Variants in CDH13 observed in about 807,000 individuals in gnomAD.
The protein encoded by CDH13 is cadherin 13.
CDH13 carries 24 observed loss-of-function variants against 63.8 expected under a neutral mutation model. The observed-to-expected ratio is 0.38, with a 90% CI of 0.27 to 0.53. The LOEUF is 0.53. Ranked by LOEUF, CDH13 falls within the 20% of genes least tolerant of loss-of-function variation. The pLI, the probability that CDH13 is intolerant of heterozygous loss-of-function variation, is 0.85. For missense variants in CDH13, 1,049 were observed against 903.1 expected (o/e 1.16, Z -2.07); for synonymous variants, 503 against 355.3 (o/e 1.42, Z -4.67).
At chr16:82,771,495 G>A (rs1489431510) in intron 1 of CDH13, among the ~76,000 whole-genome samples, 1 of 152,162 alleles carries the variant, frequency 6.6e-6, no homozygotes, top group Non-Finnish European at 1.5e-5. Flanking sequence ...ATTACAGCTC[G>A]CTTCACCACA....
chr16:83,134,142 A>T (rs1426262640), intron 4 of CDH13, among the ~76,000 whole-genome samples: 1 of 152,200 alleles, frequency 6.6e-6, no homozygotes, highest in Non-Finnish European at 1.5e-5. Context: ...GCCACCAGAT[A>T]AATTGCTTGG....
rs368850159 is a variant in CDH13 at position 83,334,729 on chromosome 16, T to A, written c.637-10133T>A. 3.9e-5 allele frequency among the ~76,000 whole-genome samples: 6 copies of A among 152,160 alleles called. No homozygotes were observed. The South Asian group carries it at 1.2e-3, about 32-fold the overall frequency. ...GCAACCTTAATTCCATTGGCAACCT[T>A]AATTTGGGAGGTGGAGAGAGTATGA... On this transcript the variant is annotated intron_variant, in intron 5 of 13. Transcript: ENST00000567109.
intron 7 of CDH13, among the ~76,000 whole-genome samples, chr16:83,529,071 CT>C (rs1242272152): frequency 6.7e-6 from 1 of 150,106 alleles, no homozygotes; most frequent in Non-Finnish European, 1.5e-5. Flanking sequence ...CCCAAACCCC[CT>C]CCCCATGAAT....
chr16:83,169,612 C>G (rs537999285), intron 4 of CDH13, among the ~76,000 whole-genome samples: 2 of 151,712 alleles, frequency 1.3e-5, no homozygotes, highest in South Asian at 2.1e-4. Flanking sequence ...TTCAAGCCCT[C>G]TTTCCTTTTC....
chr16:83,220,792 T>A (rs908104751), intron 5 of CDH13, among the ~76,000 whole-genome samples: 4 of 152,178 alleles, frequency 2.6e-5, no homozygotes, highest in Non-Finnish European at 4.4e-5. Context: ...ATTAACGTTT[T>A]CCAAATCCAA....
At chr16:82,682,427 C>T (rs1021905593) in intron 1 of CDH13, among the ~76,000 whole-genome samples, 1 of 152,212 alleles carries the variant, frequency 6.6e-6, no homozygotes, top group African/African-American at 2.4e-5. Context: ...TGGAGGCAGG[C>T]ACTGGCATCT....
intron 7 of CDH13, among the ~76,000 whole-genome samples, chr16:83,597,002 C>T (rs1013525958): frequency 6.6e-6 from 1 of 152,166 alleles, no homozygotes; most frequent in Admixed American, 6.5e-5. Flanking sequence ...GTGGGAGGAT[C>T]ACTTGAGCCC....
chr16:83,789,035 A>G (rs938694433), intron 13 of CDH13, among the ~76,000 whole-genome samples: 1 of 152,262 alleles, frequency 6.6e-6, no homozygotes, highest in African/African-American at 2.4e-5. Context: ...TAAATGTTAG[A>G]GATGCCTGCC....
At chr16:82,799,708 A>G (rs1053272958) in intron 1 of CDH13, among the ~76,000 whole-genome samples, 1 of 152,252 alleles carries the variant, frequency 6.6e-6, no homozygotes, top group African/African-American at 2.4e-5. Flanking sequence ...TATAATTAAC[A>G]GAGACATTTA....
At chr16:83,044,654 C>A (rs548469955) in intron 3 of CDH13, among the ~76,000 whole-genome samples, 1 of 152,286 alleles carries the variant, frequency 6.6e-6, no homozygotes, top group African/African-American at 2.4e-5. Flanking sequence ...ATATGCATTA[C>A]CCGATTTAAG....
At chr16:83,217,280 G>T in intron 4 of CDH13, 65 bp from the exon 5 acceptor site, 1 of 1,543,726 alleles carries the variant, frequency 6.5e-7, no homozygotes, top group Non-Finnish European at 8.9e-7. Context: ...ATGGGAGTAT[G>T]TTTGCAATGT....
chr16:82,875,436 C>T (rs925657182), intron 2 of CDH13, among the ~76,000 whole-genome samples: 2 of 152,130 alleles, frequency 1.3e-5, no homozygotes, highest in African/African-American at 4.8e-5. Flanking sequence ...CAGGTTCATC[C>T]AAAGACCTGA....
intron 6 of CDH13, among the ~76,000 whole-genome samples, chr16:83,474,948 G>A (rs1743617666): frequency 6.6e-6 from 1 of 152,252 alleles, no homozygotes; most frequent in African/African-American, 2.4e-5. Flanking sequence ...AGGAAGGCAT[G>A]TGCATTGTTG....
intron 6 of CDH13, among the ~76,000 whole-genome samples, chr16:83,442,067 G>A (rs544964700): frequency 4.7e-4 from 71 of 152,240 alleles, no homozygotes; most frequent in Admixed American, 1.9e-3. Context: ...AGCCATGCCT[G>A]TACTTGCAGT....
At chr16:83,714,651 C>A (rs1326425994) in intron 10 of CDH13, among the ~76,000 whole-genome samples, 2 of 152,164 alleles carry the variant, frequency 1.3e-5, no homozygotes, top group African/African-American at 4.8e-5. Context: ...TAACATATGA[C>A]TATCACAAGA....
At chr16:83,187,874 A>G (rs2038574500) in intron 4 of CDH13, among the ~76,000 whole-genome samples, 1 of 152,176 alleles carries the variant, frequency 6.6e-6, no homozygotes, top group East Asian at 1.9e-4. Context: ...GCAGTTTTCA[A>G]CAGGGAGGCC....
intron 6 of CDH13, among the ~76,000 whole-genome samples, chr16:83,349,006 C>T (rs903902709): frequency 3.3e-5 from 5 of 152,178 alleles, no homozygotes; most frequent in African/African-American, 9.7e-5. Context: ...TTCGAATGCC[C>T]TCGGCACCAA....
At chr16:82,825,124 G>C (rs1328213471) in intron 1 of CDH13, 1 of 152,142 alleles carries the variant, frequency 6.6e-6, no homozygotes, top group South Asian at 2.1e-4. Context: ...TCTCCACTTT[G>C]ATGTTTTCTT....
intron 8 of CDH13, among the ~76,000 whole-genome samples, chr16:83,635,752 G>C (rs886761061): frequency 1.3e-5 from 2 of 152,082 alleles, no homozygotes; most frequent in African/African-American, 4.8e-5. Flanking sequence ...TCAATCTGTG[G>C]CTTGTCTGTT....
Sources: allele counts gnomAD v4.1 joint callset (sites outside exome capture counted in the v4.1 genomes callset), GRCh38; gene constraint gnomAD v4.1.1; transcripts MANE v1.5; gene names NCBI Gene and HGNC (gene_info 2026-07-23, HGNC 2026-07-21).